The following SEMA3A variants were observed in gnomAD, a reference collection of about 807,000 sequenced individuals.
SEMA3A encodes the protein semaphorin-3A.
SEMA3A carries 29 observed loss-of-function variants against 97.9 expected under a neutral mutation model. The ratio of observed to expected loss-of-function variants is 0.30; its 90% confidence interval spans 0.22 to 0.40. The LOEUF is 0.40. Ranked by LOEUF, SEMA3A falls within the 10% of genes least tolerant of loss-of-function variation. The probability of loss-of-function intolerance (pLI) is 1.00; values close to 1 mark genes in which losing one functional copy is unlikely to be tolerated. For synonymous variants in SEMA3A, 321 were observed against 323.7 expected (o/e 0.99, Z 0.09); for missense variants, 763 against 951.3 (o/e 0.80, Z 2.60).
chr7:84,072,222 T>C (rs3801608), intron 4 of SEMA3A, among the ~76,000 whole-genome samples: 19,183 of 152,132 alleles, frequency 0.13, 1,281 homozygotes, highest in South Asian at 0.15. Context: ...CCTTAATTTT[T>C]ACTGGGCCTT....
At chr7:84,050,629 G>C (rs1583874413) in intron 5 of SEMA3A, among the ~76,000 whole-genome samples, 1 of 151,834 alleles carries the variant, frequency 6.6e-6, no homozygotes, top group South Asian at 2.1e-4. Context: ...AGATGAGTAG[G>C]TTGCGAAAAT....
intron 1 of SEMA3A, among the ~76,000 whole-genome samples, chr7:84,166,593 G>T (rs1435104094): frequency 6.8e-6 from 1 of 147,134 alleles, no homozygotes; most frequent in African/African-American, 2.5e-5. Flanking sequence ...AAATTGCCGG[G>T]GGGGCGCAGT....
intron 2 of SEMA3A, among the ~76,000 whole-genome samples, chr7:84,328,638 A>G (rs891178965): frequency 2.6e-5 from 4 of 152,060 alleles, no homozygotes; most frequent in African/African-American, 4.8e-5. Flanking sequence ...GTAAATTTAT[A>G]CAGAATGAAA....
At chr7:84,329,388 G>A (rs1028641060) in intron 2 of SEMA3A, among the ~76,000 whole-genome samples, 3 of 151,798 alleles carry the variant, frequency 2.0e-5, no homozygotes, top group Non-Finnish European at 4.4e-5. Flanking sequence ...ACATTATGCC[G>A]GTTTATTTAT....
At chr7:84,365,744 T>G (rs1802833940) in intron 2 of SEMA3A, among the ~76,000 whole-genome samples, 1 of 151,422 alleles carries the variant, frequency 6.6e-6, no homozygotes, top group Non-Finnish European at 1.5e-5. Flanking sequence ...AAGTGAATTT[T>G]TATGTTTAAC....
At chr7:84,478,549 G>GTA (rs1425814903) in intron 1 of SEMA3A, among the ~76,000 whole-genome samples, 1 of 151,630 alleles carries the variant, frequency 6.6e-6, no homozygotes, top group Non-Finnish European at 1.5e-5. Context: ...TTCCAATAAT[G>GTA]TATAATTATT....
chr7:84,488,415 A>G (rs1019199728), intron 1 of SEMA3A, among the ~76,000 whole-genome samples: 1 of 152,078 alleles, frequency 6.6e-6, no homozygotes, highest in Admixed American at 6.6e-5. Flanking sequence ...TCAAAAAACA[A>G]ATACCCAGAT....
intron 12 of SEMA3A, among the ~76,000 whole-genome samples, chr7:83,992,913 T>C (rs954763974): frequency 6.6e-6 from 1 of 150,774 alleles, no homozygotes; most frequent in African/African-American, 2.5e-5. Flanking sequence ...ATGTTGACAC[T>C]GGGGTGTTAA....
chr7:84,005,364 C>T lies in SEMA3A; in HGVS notation c.1335G>A (p.Gln445=). ...CTGTTCCGATAAACATAACATCATACTGTCCATCTTCTGCATCCACTCGGT... is the reference window on the plus strand; with the variant it reads ...CTGTTCCGATAAACATAACATCATATTGTCCATCTTCTGCATCCACTCGGT... ...VVDRVDAEDG[Q]YDVMFIGTDV... is the part of the protein sequence containing the mutation. Residue 445 remains glutamine (Q), a synonymous_variant, in exon 11 of 17, where the codon CAG becomes CAA. Coordinates refer to ENST00000265362, the MANE Select transcript of SEMA3A (RefSeq NM_006080.3). 1 of 1,613,096 alleles carries T rather than the reference C, an allele frequency of 6.2e-7. No homozygotes were observed. The highest frequency in any genetic ancestry group is 1.3e-5 in the African/African-American group (1 of 75,012).
At chr7:84,081,314 C>T (rs886652908) in intron 4 of SEMA3A, among the ~76,000 whole-genome samples, 6 of 151,910 alleles carry the variant, frequency 3.9e-5, no homozygotes, top group Admixed American at 3.9e-4. Context: ...CTTGTAGGGC[C>T]GGGCGCGGTG....
chr7:84,310,533 T>G (rs1801287793), intron 2 of SEMA3A, among the ~76,000 whole-genome samples: 1 of 152,234 alleles, frequency 6.6e-6, no homozygotes, highest in Admixed American at 6.5e-5. Context: ...AAATAGATGA[T>G]AATTCTTTAT....
At chr7:84,018,331 T>C (rs1428982854) in intron 6 of SEMA3A, among the ~76,000 whole-genome samples, 3 of 152,158 alleles carry the variant, frequency 2.0e-5, no homozygotes, top group Non-Finnish European at 4.4e-5. Context: ...CTCAAATAAA[T>C]TTATTCTTTA....
intron 5 of SEMA3A, among the ~76,000 whole-genome samples, chr7:84,050,017 A>T (rs1213385842): frequency 6.6e-6 from 1 of 151,196 alleles, no homozygotes; most frequent in Non-Finnish European, 1.5e-5. Flanking sequence ...TTCCAGTTTC[A>T]TCCATGTCCC....
intron 1 of SEMA3A, among the ~76,000 whole-genome samples, 153 bp downstream of exon 1, chr7:84,194,322 C>A (rs567385598): frequency 6.6e-6 from 1 of 151,376 alleles, no homozygotes; most frequent in East Asian, 2.0e-4. Context: ...TTACAAAAAG[C>A]GTTTAAAGCA....
At chr7:83,962,304 A>G (rs1203887202) in intron 16 of SEMA3A, among the ~76,000 whole-genome samples, 1 of 152,100 alleles carries the variant, frequency 6.6e-6, no homozygotes, top group Non-Finnish European at 1.5e-5. Context: ...CTAATTATTT[A>G]TTTCATTTAG....
At chr7:84,194,245 A>G (rs1200681713) in intron 1 of SEMA3A, among the ~76,000 whole-genome samples, 1 of 152,156 alleles carries the variant, frequency 6.6e-6, no homozygotes. Flanking sequence ...AGCTCTTTTC[A>G]GCAAATGTGA....
chr7:84,174,726 G>A (rs967188177), intron 1 of SEMA3A, among the ~76,000 whole-genome samples: 3 of 152,078 alleles, frequency 2.0e-5, no homozygotes, highest in Non-Finnish European at 2.9e-5. Flanking sequence ...TAGAACAAAT[G>A]AAGATATAAA....
chr7:84,280,529 A>T (rs1452816345), intron 3 of SEMA3A, among the ~76,000 whole-genome samples: 1 of 152,096 alleles, frequency 6.6e-6, no homozygotes, highest in Non-Finnish European at 1.5e-5. Context: ...CATGCCTGAA[A>T]TCCCAGCACT....
intron 3 of SEMA3A, among the ~76,000 whole-genome samples, chr7:84,220,204 G>A (rs1437664397): frequency 5.9e-5 from 9 of 152,012 alleles, no homozygotes; most frequent in Admixed American, 3.9e-4. Flanking sequence ...TTCTTTCTTC[G>A]TAGGAAGGAA....
Sources: allele counts gnomAD v4.1 joint callset (sites outside exome capture counted in the v4.1 genomes callset), GRCh38; gene constraint gnomAD v4.1.1; transcripts MANE v1.5; gene names NCBI Gene and HGNC (gene_info 2026-07-23, HGNC 2026-07-21).